Variants in EYS observed in about 807,000 individuals in gnomAD.
The protein encoded by EYS is EGF-like photoreceptor maintenance factor.
A neutral mutation model predicts 282.1 loss-of-function variants in EYS; 250 were observed. That is an observed-to-expected ratio of 0.89 (90% CI 0.80 to 0.98). The LOEUF is 0.98. Ranked by LOEUF, EYS falls within the 50% of genes least tolerant of loss-of-function variation. EYS has a pLI of 0.00. For synonymous variants in EYS, 1,355 were observed against 1,282.9 expected, an observed-to-expected ratio of 1.06 and a Z score of -1.20; for missense variants, 4,016 against 3,709.0, an observed-to-expected ratio of 1.08 and a Z score of -2.15.
intron 26 of EYS, among the ~76,000 whole-genome samples, chr6:64,469,794 T>C (rs1203184835): frequency 2.6e-5 from 4 of 152,112 alleles, no homozygotes; most frequent in African/African-American, 9.7e-5. Context: ...CCCACAGTTA[T>C]CCAGAGGCCT....
intron 12 of EYS, among the ~76,000 whole-genome samples, chr6:65,140,254 G>A (rs1255117205): frequency 6.6e-6 from 1 of 151,856 alleles, no homozygotes; most frequent in Non-Finnish European, 1.5e-5. Flanking sequence ...CTATTTTCAA[G>A]TTCACAGGAG....
chr6:63,860,030 C>T (rs1043907255), intron 36 of EYS, among the ~76,000 whole-genome samples: 3 of 152,184 alleles, frequency 2.0e-5, no homozygotes, highest in African/African-American at 7.2e-5. Flanking sequence ...TTCTGTGCCT[C>T]TTCTACAGTG....
At chr6:64,517,366 A>G (rs1777591102) in intron 26 of EYS, among the ~76,000 whole-genome samples, 1 of 151,844 alleles carries the variant, frequency 6.6e-6, no homozygotes, top group Non-Finnish European at 1.5e-5. Flanking sequence ...GATTTTGGTA[A>G]ATAAGCAATA....
At chr6:63,780,817 C>A (rs1356182435) in intron 39 of EYS, among the ~76,000 whole-genome samples, 1 of 152,094 alleles carries the variant, frequency 6.6e-6, no homozygotes, top group African/African-American at 2.4e-5. Flanking sequence ...ACATGAAGTC[C>A]TTGCCTATGC....
chr6:64,791,241 A>G (rs1774181890), intron 22 of EYS, among the ~76,000 whole-genome samples: 1 of 151,876 alleles, frequency 6.6e-6, no homozygotes, highest in Non-Finnish European at 1.5e-5. Context: ...TCACTCAGCA[A>G]GACGAAAAAA....
chr6:63,763,554 T>C (rs965738682), intron 40 of EYS, among the ~76,000 whole-genome samples: 2 of 151,856 alleles, frequency 1.3e-5, no homozygotes, highest in Non-Finnish European at 2.9e-5. Context: ...TCCCCCATCC[T>C]GTTCTCATGG....
At chr6:65,183,683 A>G (rs966536788) in intron 12 of EYS, among the ~76,000 whole-genome samples, 5 of 151,774 alleles carry the variant, frequency 3.3e-5, no homozygotes, top group African/African-American at 9.7e-5. Context: ...TGATTTTATT[A>G]TACTTTCTAC....
At chr6:64,528,502 AT>A (rs1777996422) in intron 26 of EYS, among the ~76,000 whole-genome samples, 1 of 151,974 alleles carries the variant, frequency 6.6e-6, no homozygotes, top group Non-Finnish European at 1.5e-5. Flanking sequence ...ATATGGTAAC[AT>A]TTAACCATTA....
rs966619865 is a variant in EYS at position 65,189,168 on chromosome 6, T to C, written c.2023+106695A>G. Among the ~76,000 whole-genome samples, 5 of 151,692 alleles carry C rather than the reference T, an allele frequency of 3.3e-5. No homozygotes were observed. In the Admixed American group the frequency reaches 3.3e-4, roughly 10 times the overall value. On this transcript the variant is annotated intron_variant, in intron 12 of 42. Transcript: ENST00000503581. ...AAATTTTTTAAAGTATAATTTATTATATATTTATGATAGTAATTTGCAATA... is the reference window on the plus strand; with the variant it reads ...AAATTTTTTAAAGTATAATTTATTACATATTTATGATAGTAATTTGCAATA...
intron 33 of EYS, among the ~76,000 whole-genome samples, chr6:64,013,201 A>T (rs979015635): frequency 4.3e-4 from 66 of 152,188 alleles, no homozygotes; most frequent in African/African-American, 1.5e-3. Flanking sequence ...TCAAGGGAAC[A>T]TACAACCAGC....
chr6:65,498,439 C>A (rs937039656), intron 2 of EYS, among the ~76,000 whole-genome samples: 2 of 151,874 alleles, frequency 1.3e-5, no homozygotes, highest in East Asian at 1.9e-4. Context: ...CATGTAAATG[C>A]GAGGAAACAA....
At chr6:65,330,838 G>T (rs963407472) in intron 11 of EYS, 2 of 935,288 alleles carry the variant, frequency 2.1e-6, no homozygotes, top group East Asian at 2.4e-4. Flanking sequence ...CACATTTAGA[G>T]TCTACTTCTA....
intron 22 of EYS, among the ~76,000 whole-genome samples, chr6:64,751,779 T>A (rs899277607): frequency 3.3e-5 from 5 of 152,142 alleles, no homozygotes; most frequent in Non-Finnish European, 1.5e-5. Context: ...TGCCAAGACC[T>A]CTGCTATCAC....
intron 19 of EYS, among the ~76,000 whole-genome samples, chr6:64,871,796 T>C (rs1309912334): frequency 6.6e-6 from 1 of 152,060 alleles, no homozygotes; most frequent in African/African-American, 2.4e-5. Flanking sequence ...AGTATTTTTG[T>C]AAATAGTAAT....
intron 12 of EYS, among the ~76,000 whole-genome samples, chr6:65,141,463 G>A (rs2150208966): frequency 6.6e-6 from 1 of 151,532 alleles, no homozygotes; most frequent in Non-Finnish European, 1.5e-5. Flanking sequence ...TGCACATTGT[G>A]CACATGTACC....
intron 31 of EYS, among the ~76,000 whole-genome samples, chr6:64,197,457 T>G (rs1471269470): frequency 6.6e-6 from 1 of 152,204 alleles, no homozygotes; most frequent in Non-Finnish European, 1.5e-5. Flanking sequence ...GAAGCAAATT[T>G]TATCAGGGTG....
At chr6:64,996,700 A>T (rs1261945497) in intron 14 of EYS, among the ~76,000 whole-genome samples, 1 of 152,242 alleles carries the variant, frequency 6.6e-6, no homozygotes, top group Non-Finnish European at 1.5e-5. Context: ...AGGTATCTGC[A>T]GTCCTTGTGG....
At chr6:64,047,437 C>T (rs1285498521) in intron 33 of EYS, among the ~76,000 whole-genome samples, 1 of 152,068 alleles carries the variant, frequency 6.6e-6, no homozygotes, top group Non-Finnish European at 1.5e-5. Flanking sequence ...CTCAAATTTT[C>T]AAGTGGATGC....
chr6:64,041,467 T>G (rs1194907772), intron 33 of EYS, among the ~76,000 whole-genome samples: 1 of 152,192 alleles, frequency 6.6e-6, no homozygotes, highest in Non-Finnish European at 1.5e-5. Flanking sequence ...GTGCTTTCTA[T>G]GTAGAAAATG....
Sources: allele counts gnomAD v4.1 joint callset (sites outside exome capture counted in the v4.1 genomes callset), GRCh38; gene constraint gnomAD v4.1.1; transcripts MANE v1.5; gene names NCBI Gene and HGNC (gene_info 2026-07-23, HGNC 2026-07-21).